The following MATN2 variants were observed in gnomAD, a reference collection of about 807,000 sequenced individuals.
The protein encoded by MATN2 is matrilin-2.
Under a neutral mutation model 103.2 loss-of-function variants are expected in MATN2, and 69 were observed. That is an observed-to-expected ratio of 0.67 (90% CI 0.55 to 0.82). The LOEUF (loss-of-function observed/expected upper bound fraction) is 0.82. MATN2 is among the 40% of genes least tolerant of loss of function. The probability of loss-of-function intolerance (pLI) is 0.00; values close to 1 mark genes in which losing one functional copy is unlikely to be tolerated. For missense variants in MATN2, 1,023 were observed against 1,211.5 expected (o/e 0.84, Z 2.31); for synonymous variants, 429 against 450.2 (o/e 0.95, Z 0.60).
At chr8:97,979,154 G>T in intron 6 of MATN2, 146 bp downstream of exon 6, 2 of 895,836 alleles carry the variant, frequency 2.2e-6, no homozygotes, top group Non-Finnish European at 3.3e-6. Context: ...TCCTCTGTCA[G>T]GACTTTCATG....
intron 12 of MATN2, among the ~76,000 whole-genome samples, chr8:98,019,078 T>G (rs1813480740): frequency 6.7e-6 from 1 of 148,152 alleles, no homozygotes; most frequent in Non-Finnish European, 1.5e-5. Context: ...CTATGGTCTG[T>G]TCTATCTTCT....
intron 10 of MATN2, among the ~76,000 whole-genome samples, chr8:98,012,022 CTTT>C (rs1400317157): frequency 2.6e-5 from 4 of 152,200 alleles, no homozygotes; most frequent in Admixed American, 1.3e-4. Flanking sequence ...GAGAATCCTT[CTTT>C]GAGAGGAAAA....
chr8:97,876,474 C>A (rs1032954886), intron 1 of MATN2, among the ~76,000 whole-genome samples: 17 of 152,048 alleles, frequency 1.1e-4, no homozygotes, highest in African/African-American at 3.9e-4. Context: ...CAAGCATGAG[C>A]CACCGCGCCT....
Position 98,027,888 on chromosome 8 carries a change from T to C in MATN2, c.2356+59T>C, listed in dbSNP as rs59198227. 1,755 of 1,488,170 alleles carry C rather than the reference T, an allele frequency of 1.2e-3. 15 individuals carry two copies. The African/African-American group carries it at 0.02, about 17-fold the overall frequency. The allele number at this position is 1,488,170 out of a possible 1,614,324, so 92.2% of individuals were successfully genotyped here. A position where few individuals can be genotyped will look rare whatever the true frequency, so the allele number is the denominator to read the frequency against. On this transcript the variant is annotated intron_variant, in intron 14 of 18. Transcript: ENST00000254898. Reference sequence around the variant, plus strand: ...CAAGGTTCAGGTTTCTTAAACTCACTCAGTGGTCTCAGCTGGCCATAAGGG... The same window carrying C: ...CAAGGTTCAGGTTTCTTAAACTCACCCAGTGGTCTCAGCTGGCCATAAGGG...
Position 97,945,705 on chromosome 8 carries a change from G to GAAA in MATN2, c.835+3817_835+3819dup, listed in dbSNP as rs71303437. 4.3e-3 allele frequency among the ~76,000 whole-genome samples: 516 copies of GAAA among 119,830 alleles called. 7 individuals are homozygous for GAAA. The highest frequency in any genetic ancestry group is 0.015 in the African/African-American group (484 of 32,004). 78.6% of individuals were successfully genotyped at this position (119,830 alleles called of 152,430 possible). ...AATACACACACACATACACACTATAGAAAAAAAAAAAAATATATATATATA... is the reference window on the plus strand; with the variant it reads ...AATACACACACACATACACACTATAGAAAAAAAAAAAAAAAATATATATATATA... On this transcript the variant is annotated intron_variant, in intron 4 of 18. Coordinates refer to ENST00000254898, the MANE Select transcript of MATN2 (RefSeq NM_002380.5).
intron 5 of MATN2, among the ~76,000 whole-genome samples, chr8:97,972,951 C>A (rs1247396135): frequency 6.6e-6 from 1 of 152,212 alleles, no homozygotes; most frequent in African/African-American, 2.4e-5. Context: ...AAGAGGTCAC[C>A]TCCATACATC....
chr8:97,942,169 C>G (rs1258343269), intron 4 of MATN2, among the ~76,000 whole-genome samples: 1 of 152,214 alleles, frequency 6.6e-6, no homozygotes, highest in African/African-American at 2.4e-5. Context: ...AACTGGTCTC[C>G]TTTACTTCCA....
rs189328322 is a variant in MATN2 at position 97,992,863 on chromosome 8, T to G, written c.1082-1617T>G. 4.7e-5 allele frequency among the ~76,000 whole-genome samples: 7 copies of G among 149,668 alleles called. No homozygotes were observed. In the East Asian group the frequency reaches 1.4e-3, roughly 29 times the overall value. On this transcript the variant is annotated intron_variant, in intron 6 of 18. Transcript: ENST00000254898. ...TGAACCTGGGAGGTGGAGGTTGCAG[T>G]GAGCCTAGATTGCGACATTGCGCTT... is the stretch of plus-strand genomic sequence containing the variant.
At chr8:97,980,558 C>CTTTTTTTTTTT (rs71570278) in intron 6 of MATN2, among the ~76,000 whole-genome samples, 1 of 94,094 alleles carries the variant, frequency 1.1e-5, no homozygotes, top group African/African-American at 4.6e-5. Flanking sequence ...TTATTCTTTC[C>CTTTTTTTTTTT]TTTTTTTTTT....
chr8:97,976,505 T>G (rs540568259), intron 5 of MATN2, among the ~76,000 whole-genome samples: 78 of 152,366 alleles, frequency 5.1e-4, no homozygotes, highest in South Asian at 2.1e-3. Flanking sequence ...ATCTTTTTAT[T>G]GCTATGCTAA....
intron 2 of MATN2, among the ~76,000 whole-genome samples, chr8:97,899,686 C>T (rs969362263): frequency 2.6e-5 from 4 of 152,128 alleles, no homozygotes. Context: ...CTTTGAAGAC[C>T]CTAACTCCAA....
At position 98,036,306 on chromosome 8, in the gene MATN2, A is replaced by C. The variant is rs1000169424; in HGVS notation, c.*594A>C. The C allele has an allele frequency of 6.6e-6, 1 of 152,242 alleles. No homozygotes were observed. Among genetic ancestry groups the C allele is most frequent in the Admixed American group, 6.5e-5 (1 of 15,284 alleles). 9.4% of individuals were successfully genotyped at this position (152,242 alleles called of 1,614,324 possible). Reference sequence around the variant, plus strand: ...AACATGCCTATGAAAAAAATGCTGAATCTCATCAGTAATCAGGAAAATGCA... The same window carrying C: ...AACATGCCTATGAAAAAAATGCTGACTCTCATCAGTAATCAGGAAAATGCA... On this transcript the variant is annotated 3_prime_UTR_variant, in exon 19 of 19. Coordinates refer to ENST00000254898, the MANE Select transcript of MATN2 (RefSeq NM_002380.5).
chr8:97,982,037 G>A lies in MATN2; in HGVS notation c.1081+3029G>A, dbSNP rs980573702. Among the ~76,000 whole-genome samples the A allele has an allele frequency of 6.6e-6, 1 of 152,228 alleles. No homozygotes were observed. Among genetic ancestry groups the A allele is most frequent in the East Asian group, 1.9e-4 (1 of 5,204 alleles). On this transcript the variant is annotated intron_variant, in intron 6 of 18. Coordinates refer to ENST00000254898, the MANE Select transcript of MATN2 (RefSeq NM_002380.5). The surrounding 1 kb of genome is among the most constrained non-coding windows in gnomAD (Gnocchi z 4.3). ...ATCCAGAAGTGGGCCGCCCCAATGC[G>A]TGTGCAGGGAAGAGTGCTGGGAGAC...
chr8:97,956,689 CCTGCCTCTGGAGTTAAGCT>C (rs1563690501), intron 4 of MATN2, among the ~76,000 whole-genome samples: 1 of 152,162 alleles, frequency 6.6e-6, no homozygotes, highest in African/African-American at 2.4e-5. Context: ...GTGTCCAAGC[CCTGCCTCTGGAGTTAAGCT>C]CTGCCTCTGG....
chr8:97,887,038 C>T lies in MATN2; in HGVS notation c.-26-1037C>T, dbSNP rs564762845. On this transcript the variant is annotated intron_variant, in intron 1 of 18. Coordinates refer to ENST00000254898, the MANE Select transcript of MATN2 (RefSeq NM_002380.5). ...TCCTAAGTAGCTAGGACTGCAGGCA[C>T]GAGCCACCACACCTGGCTAATTTTT... Among the ~76,000 whole-genome samples, 20 of 151,778 alleles carry T rather than the reference C, an allele frequency of 1.3e-4. No homozygotes were observed. The South Asian group carries it at 3.1e-3, about 24-fold the overall frequency.
intron 13 of MATN2, 68 bp downstream of exon 13, chr8:98,021,395 C>T: frequency 6.5e-7 from 1 of 1,545,638 alleles, no homozygotes; most frequent in South Asian, 1.2e-5. Flanking sequence ...GGAGTATTTT[C>T]AGGCAACAAA....
intron 4 of MATN2, among the ~76,000 whole-genome samples, chr8:97,947,583 T>C (rs934716458): frequency 9.9e-5 from 15 of 151,966 alleles, no homozygotes; most frequent in African/African-American, 3.4e-4. Flanking sequence ...CATTGAAAAA[T>C]ATAAAAGATT....
At chr8:98,034,688 A>C (rs553820874) in intron 18 of MATN2, among the ~76,000 whole-genome samples, 7 of 152,244 alleles carry the variant, frequency 4.6e-5, no homozygotes, top group Admixed American at 2.6e-4. Context: ...AGACTAAAGA[A>C]GACATATTTT....
intron 12 of MATN2, 91 bp downstream of exon 12, chr8:98,018,207 AC>A: frequency 6.6e-7 from 1 of 1,514,842 alleles, no homozygotes; most frequent in Non-Finnish European, 9.0e-7. Flanking sequence ...CTCCTTTATT[AC>A]CACTGTCACA....
Sources: allele counts gnomAD v4.1 joint callset (sites outside exome capture counted in the v4.1 genomes callset), GRCh38; gene constraint gnomAD v4.1.1; non-coding constraint Gnocchi (gnomAD v3.1); transcripts MANE v1.5; gene names NCBI Gene and HGNC (gene_info 2026-07-23, HGNC 2026-07-21).